The following LRP8 variants were observed in gnomAD, a reference collection of about 807,000 sequenced individuals.
LRP8 encodes the protein LDL receptor related protein 8.
LRP8 carries 46 observed loss-of-function variants against 111.6 expected under a neutral mutation model. The ratio of observed to expected loss-of-function variants is 0.41; its 90% confidence interval spans 0.33 to 0.53. The LOEUF (loss-of-function observed/expected upper bound fraction) is 0.53, where lower values mean the gene tolerates loss of function less well. Among genes scored for constraint, LRP8 ranks in the 20% least tolerant of loss-of-function variants. LRP8 has a pLI of 0.20. For missense variants in LRP8, 959 were observed against 1,297.4 expected, an observed-to-expected ratio of 0.74 and a Z score of 4.01; for synonymous variants, 464 against 511.2, an observed-to-expected ratio of 0.91 and a Z score of 1.24.
intron 1 of LRP8, chr1:53,327,379 C>T (rs1655283915): frequency 3.7e-6 from 1 of 269,516 alleles, no homozygotes. Flanking sequence ...CCCCCTCTCT[C>T]TCCGCCGCGC....
In LRP8 at chr1:53,266,905, A is replaced by G; in HGVS notation, c.1253-258T>C. 3 of 429,296 alleles carry G rather than the reference A, an allele frequency of 7.0e-6. No individual in the cohort carries two copies. Among genetic ancestry groups the G allele is most frequent in the East Asian group, 4.4e-5 (1 of 22,750 alleles). The allele number at this position is 429,296 out of a possible 1,614,324, so 26.6% of individuals were successfully genotyped here. On this transcript the variant is annotated intron_variant, in intron 8 of 18. Transcript: ENST00000306052. The surrounding 1 kb of genome is among the most constrained non-coding windows in gnomAD (Gnocchi z 5.0). ...TCTCCAAAATCTTTTATGGCTCCCCATTTTCTCCTTAGGCCTGCACTGAAA... is the reference window on the plus strand; with the variant it reads ...TCTCCAAAATCTTTTATGGCTCCCCGTTTTCTCCTTAGGCCTGCACTGAAA...
chr1:53,321,563 GTC>G (rs894453346), intron 2 of LRP8, among the ~76,000 whole-genome samples: 11 of 152,056 alleles, frequency 7.2e-5, no homozygotes, highest in African/African-American at 2.4e-4. Context: ...CCCCCTGGGG[GTC>G]TCTCTCTCTC....
At chr1:53,282,314 T>C (rs1038799841) in intron 3 of LRP8, among the ~76,000 whole-genome samples, 1 of 152,198 alleles carries the variant, frequency 6.6e-6, no homozygotes, top group African/African-American at 2.4e-5. Flanking sequence ...GGATTCCTGG[T>C]ATTCATTTCA....
At chr1:53,315,948 G>A (rs1653735912) in intron 2 of LRP8, among the ~76,000 whole-genome samples, 1 of 152,188 alleles carries the variant, frequency 6.6e-6, no homozygotes, top group Non-Finnish European at 1.5e-5. Context: ...AGGGCCAGAG[G>A]GGAGGGCAAG....
At chr1:53,309,879 G>A (rs559399850) in intron 2 of LRP8, among the ~76,000 whole-genome samples, 8 of 152,050 alleles carry the variant, frequency 5.3e-5, no homozygotes, top group Non-Finnish European at 1.2e-4. Flanking sequence ...TCATATGAAT[G>A]GGAGGATGCT....
rs1292834656 is a variant in LRP8 at position 53,243,147 on chromosome 1, T to C, written c.*3871A>G. On this transcript the variant is annotated 3_prime_UTR_variant, in exon 19 of 19. Coordinates refer to ENST00000306052, the MANE Select transcript of LRP8 (RefSeq NM_004631.5). ...TTAATGCTAACTCATTTATATTTTG[T>C]GAAACGATGAGTGTATGGCTGGAGT... 6.6e-6 allele frequency: 1 copy of C among 152,232 alleles called. No individual in the cohort carries two copies. Among genetic ancestry groups the C allele is most frequent in the Non-Finnish European group, 1.5e-5 (1 of 68,040 alleles). 9.4% of individuals were successfully genotyped at this position (152,232 alleles called of 1,614,324 possible).
rs537471643 is a variant in LRP8 at position 53,310,270 on chromosome 1, C to G, written c.244+16603G>C. Among the ~76,000 whole-genome samples the G allele has an allele frequency of 2.0e-4, 30 of 152,206 alleles. No homozygotes were observed. In the East Asian group the frequency reaches 5.8e-3, roughly 29 times the overall value. ...CTTGGGCCCCTCCTCAGCCTTGCCCCCTCCTGCCAAGCCCCCAGTATCCCC... is the reference window on the plus strand; with the variant it reads ...CTTGGGCCCCTCCTCAGCCTTGCCCGCTCCTGCCAAGCCCCCAGTATCCCC... On this transcript the variant is annotated intron_variant, in intron 2 of 18. Coordinates refer to ENST00000306052, the MANE Select transcript of LRP8 (RefSeq NM_004631.5).
In LRP8 at chr1:53,279,058, C is replaced by T. The variant is rs1407129621; in HGVS notation, c.496+1529G>A. On this transcript the variant is annotated intron_variant, in intron 4 of 18. Transcript: ENST00000306052. The surrounding 1 kb of genome is among the most constrained non-coding windows in gnomAD (Gnocchi z 4.4). Reference sequence around the variant, plus strand: ...ACAGGCATGAGCCACCGCGCCCCGCCTTAATTTTTAATTTTACTTGAAGAC... The same window carrying T: ...ACAGGCATGAGCCACCGCGCCCCGCTTTAATTTTTAATTTTACTTGAAGAC... Among the ~76,000 whole-genome samples, 2 of 152,000 alleles carry T rather than the reference C, an allele frequency of 1.3e-5. No homozygotes were observed. The highest frequency in any genetic ancestry group is 2.9e-5 in the Non-Finnish European group (2 of 68,000).
chr1:53,276,858 G>C lies in LRP8; in HGVS notation c.717C>G (p.Asp239Glu). 1.5e-6 allele frequency: 2 copies of C among 1,358,812 alleles called. No individual in the cohort carries two copies. Among genetic ancestry groups the C allele is most frequent in the Non-Finnish European group, 1.9e-6 (2 of 1,057,808 alleles). The allele number at this position is 1,358,812 out of a possible 1,614,324, so 84.2% of individuals were successfully genotyped here. The change falls in exon 5 of 19, where the codon GAC becomes GAG. Residue 239 changes from aspartate to glutamate, a missense_variant. Asp to Glu is a conservative substitution (Grantham distance 45). Around this residue, in one of 3 missense-constraint regions of LRP8, gnomAD observed 819 missense variants for 1,097.6 expected, o/e 0.75. Transcript: ENST00000306052. Reference sequence around the variant, plus strand: ...GACGGCCGCAGAGCTCGGCTGCCTCGTCCGAGCGGTCCTCGCAGTCAAACT... The same window carrying C: ...GACGGCCGCAGAGCTCGGCTGCCTCCTCCGAGCGGTCCTCGCAGTCAAACT... ...DRQFDCEDRS[D>E]EAAELCGRPG...
intron 15 of LRP8, among the ~76,000 whole-genome samples, chr1:53,256,712 A>G (rs1323265522): frequency 6.6e-6 from 1 of 152,266 alleles, no homozygotes; most frequent in Admixed American, 6.5e-5. Flanking sequence ...ATGATTTAAT[A>G]AGTGGTGAAC....
rs764027862 is a variant in LRP8, at chr1:53,327,839, TGCAGCAGCAGCAGCAGCA to T, written c.56_73del (p.Leu19_Leu24del). ...CGCTGCCGCCGCAAGATGCTGGAGC[TGCAGCAGCAGCAGCAGCA>T]GCAGCAGCAGCAGCAGCGCCAGAAG... On this transcript the variant is annotated inframe_deletion, in exon 1 of 19. Coordinates refer to ENST00000306052, the MANE Select transcript of LRP8 (RefSeq NM_004631.5). The T allele has an allele frequency of 2.0e-5, 29 of 1,487,038 alleles. 1 individual carries two copies. The South Asian group carries it at 2.8e-4, about 14-fold the overall frequency. 92.1% of individuals were successfully genotyped at this position (1,487,038 alleles called of 1,614,324 possible). A position where few individuals can be genotyped will look rare whatever the true frequency, so the allele number is the denominator to read the frequency against.
chr1:53,317,209 G>A lies in LRP8; in HGVS notation c.244+9664C>T, dbSNP rs1401237097. On this transcript the variant is annotated intron_variant, in intron 2 of 18. Transcript: ENST00000306052. The surrounding 1 kb of genome is among the most constrained non-coding windows in gnomAD (Gnocchi z 4.9). The stretch of plus-strand genomic sequence containing the variant: ...CTGGCTTGAATGTCCCTGGATTCAG[G>A]CCACCAGGAAAGCCCACCCTTGGCC... Among the ~76,000 whole-genome samples, 4 of 152,184 alleles carry A rather than the reference G, an allele frequency of 2.6e-5. No individual in the cohort carries two copies. The highest frequency in any genetic ancestry group is 7.2e-5 in the African/African-American group (3 of 41,434).
intron 3 of LRP8, among the ~76,000 whole-genome samples, chr1:53,283,575 A>G (rs112998835): frequency 1.1e-5 from 1 of 93,368 alleles, no homozygotes; most frequent in Non-Finnish European, 2.2e-5. Flanking sequence ...TACCCGGGCC[A>G]CTTACTTACT....
chr1:53,283,036 T>C (rs1221106750), intron 3 of LRP8, among the ~76,000 whole-genome samples: 2 of 152,188 alleles, frequency 1.3e-5, no homozygotes, highest in African/African-American at 4.8e-5. Context: ...CATTTCATTC[T>C]GCCATGGTCT....
chr1:53,260,351 A>G (rs1646283550), intron 13 of LRP8, 113 bp downstream of exon 13: 1 of 909,900 alleles, frequency 1.1e-6, no homozygotes, highest in Admixed American at 2.3e-5. Context: ...TGTTGTTATT[A>G]TTCCTGGGGT....
At chr1:53,326,794 G>A (rs1655188495) in intron 2 of LRP8, 79 bp downstream of exon 2, 5 of 1,529,974 alleles carry the variant, frequency 3.3e-6, no homozygotes, top group Non-Finnish European at 3.5e-6. Flanking sequence ...GGCGGCTGCA[G>A]CCACGTGCGC....
intron 3 of LRP8, among the ~76,000 whole-genome samples, chr1:53,287,753 G>T (rs1277029784): frequency 1.3e-5 from 2 of 152,156 alleles, no homozygotes; most frequent in Non-Finnish European, 2.9e-5. Flanking sequence ...GAGGCAGGAG[G>T]GCCCCTGCCC....
At chr1:53,260,635 G>A in intron 12 of LRP8, 30 bp from the exon 13 acceptor site, 1 of 1,609,050 alleles carries the variant, frequency 6.2e-7, no homozygotes, top group Non-Finnish European at 8.5e-7. Context: ...AGGATGGGAG[G>A]CCTGGAGTGT....
chr1:53,275,203 A>G lies in LRP8; in HGVS notation c.1006+428T>C, dbSNP rs1477440506. On this transcript the variant is annotated intron_variant, in intron 6 of 18. Coordinates refer to ENST00000306052, the MANE Select transcript of LRP8 (RefSeq NM_004631.5). This position sits in a 1 kb window ranked among gnomAD's most constrained non-coding sequence, Gnocchi z 4.4. ...TGCTACACTGCCCAGCCTGTTATCC[A>G]TTCCCCAAGATGACTAGTGAATGAG... 6.6e-6 allele frequency among the ~76,000 whole-genome samples: 1 copy of G among 152,190 alleles called. No homozygotes were observed. The highest frequency in any genetic ancestry group is 1.5e-5 in the Non-Finnish European group (1 of 68,026).
Sources: allele counts gnomAD v4.1 joint callset (sites outside exome capture counted in the v4.1 genomes callset), GRCh38; gene constraint gnomAD v4.1.1; regional missense constraint gnomAD v4.1.1; non-coding constraint Gnocchi (gnomAD v3.1); transcripts MANE v1.5; gene names NCBI Gene and HGNC (gene_info 2026-07-23, HGNC 2026-07-21).